Variants in FMN2 observed in about 807,000 individuals in gnomAD.
FMN2 encodes the protein formin 2, also known as formin-2.
A neutral mutation model predicts 142.3 loss-of-function variants in FMN2; 51 were observed. The observed-to-expected ratio is 0.36, with a 90% CI of 0.29 to 0.45. The LOEUF (loss-of-function observed/expected upper bound fraction) is 0.45, where lower values mean the gene tolerates loss of function less well. Among genes scored for constraint, FMN2 ranks in the 20% least tolerant of loss-of-function variants. The pLI, the probability that FMN2 is intolerant of heterozygous loss-of-function variation, is 1.00. For missense variants in FMN2, 1,936 were observed against 2,122.8 expected (o/e 0.91, Z 1.73); for synonymous variants, 882 against 869.8 (o/e 1.01, Z -0.25).
intron 7 of FMN2, among the ~76,000 whole-genome samples, chr1:240,263,377 C>T (rs1406457984): frequency 6.6e-6 from 1 of 152,182 alleles, no homozygotes; most frequent in Non-Finnish European, 1.5e-5. Context: ...TGGCTGCACC[C>T]AGTACTGTTT....
At chr1:240,369,584 A>T (rs1392438471) in intron 14 of FMN2, among the ~76,000 whole-genome samples, 2 of 152,144 alleles carry the variant, frequency 1.3e-5, no homozygotes, top group African/African-American at 4.8e-5. Flanking sequence ...CTGTGTGAAC[A>T]TATCTTTATA....
At chr1:240,188,101 G>T in intron 3 of FMN2, 106 bp from the exon 4 acceptor site, 3 of 1,042,520 alleles carry the variant, frequency 2.9e-6, no homozygotes, top group Admixed American at 2.1e-5. Flanking sequence ...ATATTTTTTG[G>T]TACTTATGGT....
chr1:240,429,010 A>G (rs115049635), intron 15 of FMN2, among the ~76,000 whole-genome samples: 5,060 of 152,196 alleles, frequency 0.033, 263 homozygotes, highest in African/African-American at 0.12. Context: ...TTTGATTTAA[A>G]AACTTTTCCT....
intron 15 of FMN2, among the ~76,000 whole-genome samples, chr1:240,419,468 G>A (rs1229346778): frequency 1.3e-5 from 2 of 152,084 alleles, no homozygotes; most frequent in African/African-American, 2.4e-5. Flanking sequence ...ATCAATCCCA[G>A]TTGTGTACCC....
At chr1:240,317,063 T>C (rs1261865127) in intron 8 of FMN2, among the ~76,000 whole-genome samples, 3 of 152,076 alleles carry the variant, frequency 2.0e-5, no homozygotes, top group African/African-American at 7.2e-5. Context: ...TCCCAGTACT[T>C]TGGGAGGCTG....
intron 15 of FMN2, among the ~76,000 whole-genome samples, chr1:240,427,194 GT>G (rs148613479): frequency 5.4e-4 from 73 of 135,890 alleles, no homozygotes; most frequent in Admixed American, 1.6e-3. Flanking sequence ...TATATATATG[GT>G]TTTTTTTTTG....
intron 6 of FMN2, among the ~76,000 whole-genome samples, chr1:240,241,931 C>T (rs141440380): frequency 0.021 from 3,183 of 150,486 alleles, 44 homozygotes; most frequent in Middle Eastern, 0.061. Flanking sequence ...CTGCAAGCTC[C>T]GCCTCCCGGG....
At chr1:240,128,933 G>A (rs575784528) in intron 2 of FMN2, among the ~76,000 whole-genome samples, 14 of 152,184 alleles carry the variant, frequency 9.2e-5, no homozygotes, top group African/African-American at 3.4e-4. Flanking sequence ...GAGTGCAGTG[G>A]CGCGATCTTG....
chr1:240,366,774 C>T, intron 14 of FMN2, among the ~76,000 whole-genome samples: 1 of 152,186 alleles, frequency 6.6e-6, no homozygotes, highest in Non-Finnish European at 1.5e-5. Context: ...TGGTCTCAAA[C>T]TCCCCACCTC....
intron 6 of FMN2, among the ~76,000 whole-genome samples, chr1:240,225,775 T>C (rs1667276480): frequency 6.6e-6 from 1 of 152,082 alleles, no homozygotes; most frequent in Non-Finnish European, 1.5e-5. Context: ...ATTAAAAATA[T>C]CTTCAAAGAA....
chr1:240,302,929 G>T (rs1670252415), intron 8 of FMN2, among the ~76,000 whole-genome samples: 2 of 151,356 alleles, frequency 1.3e-5, no homozygotes, highest in African/African-American at 4.9e-5. Flanking sequence ...GCCCTATATG[G>T]ATATAAATAT....
chr1:240,143,988 C>G, intron 2 of FMN2: 1 of 1,313,716 alleles, frequency 7.6e-7, no homozygotes, highest in South Asian at 1.2e-5. Flanking sequence ...GAAAGCAGTC[C>G]CAGAGCAGGG....
chr1:240,144,897 T>C, intron 2 of FMN2: 1 of 1,414,304 alleles, frequency 7.1e-7, no homozygotes, highest in Non-Finnish European at 1.0e-6. Flanking sequence ...GCCAGGTGCC[T>C]GATATACTCA....
In FMN2 at chr1:240,241,825, CTT is replaced by C. The variant is rs71567282; in HGVS notation, c.4066-16092_4066-16091del. Among the ~76,000 whole-genome samples, 253 of 95,844 alleles carry C rather than the reference CTT, an allele frequency of 2.6e-3. 1 individual carries two copies. Among genetic ancestry groups the C allele is most frequent in the South Asian group, 0.014 (40 of 2,864 alleles). 62.9% of individuals were successfully genotyped at this position (95,844 alleles called of 152,430 possible). A position where few individuals can be genotyped will look rare whatever the true frequency, so the allele number is the denominator to read the frequency against. On this transcript the variant is annotated intron_variant, in intron 6 of 17. Transcript: ENST00000319653. ...ATTTTCTTTATTTTAGTGTGCCTTG[CTT>C]TTTTTTTTTTTTTTTTTTTTTTTTT...
At chr1:240,368,649 TA>T (rs1311641420) in intron 14 of FMN2, among the ~76,000 whole-genome samples, 1 of 151,996 alleles carries the variant, frequency 6.6e-6, no homozygotes, top group Admixed American at 6.6e-5. Flanking sequence ...ATTTATTTGC[TA>T]TGTAGTTTCT....
chr1:240,145,530 A>ATTTTTTTTT (rs71168902), intron 2 of FMN2: 9 of 84,344 alleles, frequency 1.1e-4, no homozygotes, highest in East Asian at 3.4e-4. Context: ...TTCTTTTTCT[A>ATTTTTTTTT]TTTTTTTTTT....
rs532546817 is a variant in FMN2, at chr1:240,121,513, C to A, written c.1616-1666C>A. ...GCCTCAGCCTCCCAAGTAGCTGGGA[C>A]TACAGGCGCTGGCCACCAAGCCTGG... On this transcript the variant is annotated intron_variant, in intron 1 of 17. Coordinates refer to ENST00000319653, the MANE Select transcript of FMN2 (RefSeq NM_020066.5). 3.3e-5 allele frequency among the ~76,000 whole-genome samples: 5 copies of A among 151,150 alleles called. No homozygotes were observed. The South Asian group carries it at 1.1e-3, about 32-fold the overall frequency.
chr1:240,434,443 G>A (rs752368815), intron 15 of FMN2, among the ~76,000 whole-genome samples: 1 of 152,186 alleles, frequency 6.6e-6, no homozygotes, highest in African/African-American at 2.4e-5. Context: ...ACCTAATGCC[G>A]GACAGGATTA....
intron 1 of FMN2, among the ~76,000 whole-genome samples, chr1:240,095,151 G>A (rs1338667264): frequency 6.6e-6 from 1 of 152,076 alleles, no homozygotes; most frequent in East Asian, 1.9e-4. Flanking sequence ...AGATTGGAAA[G>A]TTTTTGCATT....
Sources: allele counts gnomAD v4.1 joint callset (sites outside exome capture counted in the v4.1 genomes callset), GRCh38; gene constraint gnomAD v4.1.1; transcripts MANE v1.5; gene names NCBI Gene and HGNC (gene_info 2026-07-23, HGNC 2026-07-21).